LYN: variants seen among roughly 807,000 people sequenced by gnomAD.
LYN encodes tyrosine-protein kinase Lyn.
LYN carries 12 observed loss-of-function variants against 65.0 expected under a neutral mutation model. The ratio of observed to expected loss-of-function variants is 0.18; its 90% confidence interval spans 0.12 to 0.30. LYN has a LOEUF of 0.30. LYN is among the 10% of genes least tolerant of loss of function. The pLI is 1.00. For missense variants in LYN, 380 were observed against 623.2 expected (o/e 0.61, Z 4.16); for synonymous variants, 222 against 221.2 (o/e 1.00, Z -0.03).
At chr8:55,948,761 T>G (rs1806855187) in intron 4 of LYN, among the ~76,000 whole-genome samples, 1 of 152,242 alleles carries the variant, frequency 6.6e-6, no homozygotes, top group South Asian at 2.1e-4. Context: ...CCCTGCCACT[T>G]GATAGCTGTA....
chr8:55,988,913 C>T (rs576935366), intron 10 of LYN, among the ~76,000 whole-genome samples: 1 of 151,956 alleles, frequency 6.6e-6, no homozygotes, highest in Non-Finnish European at 1.5e-5. Context: ...AAAAACTCAC[C>T]GAGCAAGATA....
At chr8:55,972,668 T>C (rs558981604) in intron 10 of LYN, among the ~76,000 whole-genome samples, 106 of 152,340 alleles carry the variant, frequency 7.0e-4, no homozygotes, top group Non-Finnish European at 1.4e-3. Context: ...TTCTCTATCA[T>C]GTGCCACTAA....
Position 55,947,673 on chromosome 8 carries a change from C to T in LYN, c.234C>T (p.His78=), listed in dbSNP as rs766292370. 19 of 1,613,938 alleles carry T rather than the reference C, an allele frequency of 1.2e-5. No individual in the cohort carries two copies. Among genetic ancestry groups the T allele is most frequent in the Admixed American group, 1.7e-5 (1 of 59,996 alleles). ...VVALYPYDGI[H]PDDLSFKKGE... ...CCTTGTACCCCTATGATGGCATCCACCCGGACGACTTGTCTTTCAAGAAAG... is the reference window on the plus strand; with the variant it reads ...CCTTGTACCCCTATGATGGCATCCATCCGGACGACTTGTCTTTCAAGAAAG... Residue 78 remains histidine (H), a synonymous_variant, in exon 4 of 13, where the codon CAC becomes CAT. Transcript: ENST00000519728.
intron 1 of LYN, among the ~76,000 whole-genome samples, chr8:55,908,724 TTC>T: frequency 6.6e-6 from 1 of 151,886 alleles, no homozygotes; most frequent in African/African-American, 2.4e-5. Context: ...ACTAAGTAAT[TTC>T]TCTCTCACCC....
chr8:55,998,967 C>T (rs1370555271), intron 11 of LYN, among the ~76,000 whole-genome samples: 1 of 152,136 alleles, frequency 6.6e-6, no homozygotes, highest in Non-Finnish European at 1.5e-5. Flanking sequence ...TATTTTCCCA[C>T]ATTCTGTATT....
chr8:55,946,047 C>T (rs1277791030), intron 2 of LYN, among the ~76,000 whole-genome samples: 1 of 152,222 alleles, frequency 6.6e-6, no homozygotes, highest in Non-Finnish European at 1.5e-5. Context: ...GACAGCAAAG[C>T]CCTGCACAAC....
In LYN at chr8:56,002,724, A is replaced by C. The variant is rs1808554261; in HGVS notation, c.1336+3175A>C. On this transcript the variant is annotated intron_variant, in intron 12 of 12. Coordinates refer to ENST00000519728, the MANE Select transcript of LYN (RefSeq NM_002350.4). ...TGTTTCTCTCTATATGGAAGAACACACCAGAATCCATCGACTAGTCTGTTC... is the reference window on the plus strand; with the variant it reads ...TGTTTCTCTCTATATGGAAGAACACCCCAGAATCCATCGACTAGTCTGTTC... Among the ~76,000 whole-genome samples the C allele has an allele frequency of 5.9e-5, 9 of 152,168 alleles. 1 individual carries two copies. Among genetic ancestry groups the C allele is most frequent in the Admixed American group, 5.9e-4 (9 of 15,274 alleles).
At chr8:55,958,256 C>A (rs1326990792) in intron 8 of LYN, among the ~76,000 whole-genome samples, 1 of 152,204 alleles carries the variant, frequency 6.6e-6, no homozygotes, top group Admixed American at 6.5e-5. Flanking sequence ...TCTCTTCTTT[C>A]CTGCACACAG....
At chr8:55,942,363 A>G (rs1040731086) in intron 2 of LYN, among the ~76,000 whole-genome samples, 2 of 145,284 alleles carry the variant, frequency 1.4e-5, no homozygotes, top group Non-Finnish European at 3.0e-5. Context: ...ATGTGTATAT[A>G]TATGTGTATA....
At chr8:55,900,312 T>A (rs1377687414) in intron 1 of LYN, among the ~76,000 whole-genome samples, 1 of 152,192 alleles carries the variant, frequency 6.6e-6, no homozygotes, top group Non-Finnish European at 1.5e-5. Context: ...AGCTGACAAC[T>A]CAGTTTATAT....
At chr8:55,934,209 G>C (rs1291740247) in intron 1 of LYN, among the ~76,000 whole-genome samples, 3 of 152,136 alleles carry the variant, frequency 2.0e-5, no homozygotes, top group Non-Finnish European at 4.4e-5. Flanking sequence ...CTGGGCGACA[G>C]AGCGAGATCC....
At chr8:55,947,483 AC>A (rs1474681983) in intron 3 of LYN, 134 bp from the exon 4 acceptor site, 7 of 673,814 alleles carry the variant, frequency 1.0e-5, no homozygotes, top group Non-Finnish European at 1.9e-5. Context: ...CCCTGAGCCC[AC>A]TAGGCAGGAA....
At chr8:55,911,052 A>C (rs2130406113) in intron 1 of LYN, among the ~76,000 whole-genome samples, 1 of 119,994 alleles carries the variant, frequency 8.3e-6, no homozygotes, top group African/African-American at 3.2e-5. Flanking sequence ...GCCCACCTCC[A>C]TGTCCGGCTA....
At chr8:55,908,989 G>GTGTGTGT (rs1379592685) in intron 1 of LYN, among the ~76,000 whole-genome samples, 1 of 20,398 alleles carries the variant, frequency 4.9e-5, no homozygotes, top group Non-Finnish European at 8.5e-5. Context: ...CATTGTGTAT[G>GTGTGTGT]TATATATATA....
intron 1 of LYN, among the ~76,000 whole-genome samples, chr8:55,902,194 G>A (rs577224596): frequency 6.6e-6 from 1 of 151,996 alleles, no homozygotes; most frequent in East Asian, 1.9e-4. Context: ...TTTTAGTAGA[G>A]ACAGGGTTTC....
intron 12 of LYN, among the ~76,000 whole-genome samples, chr8:56,002,312 G>T (rs1023826189): frequency 6.6e-6 from 1 of 152,060 alleles, no homozygotes; most frequent in South Asian, 2.1e-4. Flanking sequence ...CCAGCTACTC[G>T]GGAGGCTGGG....
intron 1 of LYN, among the ~76,000 whole-genome samples, chr8:55,897,195 G>A (rs73604869): frequency 0.02 from 3,029 of 152,212 alleles, 111 homozygotes; most frequent in African/African-American, 0.069. Context: ...CTCCTGATAA[G>A]GAGCTGAAAA....
At chr8:55,968,791 A>G (rs1389593552) in intron 9 of LYN, among the ~76,000 whole-genome samples, 1 of 152,232 alleles carries the variant, frequency 6.6e-6, no homozygotes, top group Non-Finnish European at 1.5e-5. Context: ...AGCCTCTAGT[A>G]CATGCCCATT....
At chr8:56,008,697 T>C (rs539028043) in intron 12 of LYN, among the ~76,000 whole-genome samples, 1 of 152,338 alleles carries the variant, frequency 6.6e-6, no homozygotes, top group African/African-American at 2.4e-5. Context: ...CATTCTCTAT[T>C]ACCAGGCCTT....
Sources: allele counts gnomAD v4.1 joint callset (sites outside exome capture counted in the v4.1 genomes callset), GRCh38; gene constraint gnomAD v4.1.1; transcripts MANE v1.5; gene names NCBI Gene and HGNC (gene_info 2026-07-23, HGNC 2026-07-21).